CFAP144: variants seen among roughly 807,000 people sequenced by gnomAD.
The protein encoded by CFAP144 is cilia and flagella associated protein 144.
chr1:43,150,951 C>T, the CFAP144 span: 9 of 694,066 alleles, frequency 1.3e-5, no homozygotes, highest in Middle Eastern at 3.2e-4. Flanking sequence ...AAATGGGACT[C>T]ATACTAACCA....
chr1:43,155,987 C>T, the CFAP144 span, among the ~76,000 whole-genome samples: 1 of 152,206 alleles, frequency 6.6e-6, no homozygotes, highest in Non-Finnish European at 1.5e-5. Context: ...ATACTGTGGC[C>T]TCCCAGTCAG....
chr1:43,156,365 C>A, the CFAP144 span: 1 of 1,359,914 alleles, frequency 7.4e-7, no homozygotes, highest in Non-Finnish European at 1.1e-6. Flanking sequence ...GTGTGCACAG[C>A]CCAGAGAAAT....
chr1:43,155,263 T>G, the CFAP144 span, among the ~76,000 whole-genome samples: 1 of 152,192 alleles, frequency 6.6e-6, no homozygotes, highest in Non-Finnish European at 1.5e-5. Flanking sequence ...AATGCACAAG[T>G]AAATTAATTC....
chr1:43,156,266 C>G, the CFAP144 span: 1 of 1,613,380 alleles, frequency 6.2e-7, no homozygotes, highest in Non-Finnish European at 8.5e-7. Flanking sequence ...TGACATCACT[C>G]TGTACAAGGC....
the CFAP144 span, chr1:43,152,652 C>A: frequency 1.7e-6 from 1 of 599,944 alleles, no homozygotes. Context: ...TTGAGCTCAC[C>A]ACATATTTGT....
the CFAP144 span, chr1:43,153,065 A>T: frequency 4.5e-6 from 5 of 1,112,264 alleles, no homozygotes; most frequent in South Asian, 8.2e-5. Context: ...ATAAGTTACT[A>T]AGCTCTCTTA....
At chr1:43,150,309 T>C in the CFAP144 span, among the ~76,000 whole-genome samples, 2 of 152,208 alleles carry the variant, frequency 1.3e-5, no homozygotes, top group Non-Finnish European at 2.9e-5. Flanking sequence ...TCTGTTACCA[T>C]GTGCCCTCCT....
the CFAP144 span, among the ~76,000 whole-genome samples, chr1:43,146,294 C>A: frequency 3.9e-5 from 6 of 152,094 alleles, no homozygotes; most frequent in African/African-American, 1.4e-4. Context: ...ATTGGATATA[C>A]TGAGTTAAAT....
chr1:43,146,347 A>C, the CFAP144 span, among the ~76,000 whole-genome samples: 1 of 152,246 alleles, frequency 6.6e-6, no homozygotes, highest in African/African-American at 2.4e-5. Context: ...TTGCTCTCTT[A>C]ATGCAGATAC....
chr1:43,154,768 T>A, the CFAP144 span, among the ~76,000 whole-genome samples: 3 of 152,080 alleles, frequency 2.0e-5, no homozygotes, highest in East Asian at 5.8e-4. Flanking sequence ...GGTTTTGCAG[T>A]GAGGGAGGGA....
the CFAP144 span, among the ~76,000 whole-genome samples, chr1:43,154,062 G>GTGTATATATATA: frequency 2.4e-5 from 2 of 83,666 alleles, no homozygotes; most frequent in African/African-American, 4.0e-5. Flanking sequence ...ATATGTGTGT[G>GTGTATATATATA]TATATATATA....
the CFAP144 span, among the ~76,000 whole-genome samples, chr1:43,144,528 TCTC>T: frequency 6.6e-6 from 1 of 152,126 alleles, no homozygotes; most frequent in Non-Finnish European, 1.5e-5. Flanking sequence ...TCCTTAATGC[TCTC>T]ATCATCCAGC....
At chr1:43,144,110 T>C in the CFAP144 span, among the ~76,000 whole-genome samples, 9 of 152,242 alleles carry the variant, frequency 5.9e-5, no homozygotes, top group Non-Finnish European at 8.8e-5. Flanking sequence ...TCAGCACCGC[T>C]CACCTAGGCT....
chr1:43,154,917 T>C, the CFAP144 span, among the ~76,000 whole-genome samples: 1 of 152,156 alleles, frequency 6.6e-6, no homozygotes, highest in African/African-American at 2.4e-5. Flanking sequence ...TTCCACCTAA[T>C]AGGGTGCTTG....
chr1:43,152,722 C>T, the CFAP144 span: 2 of 1,268,072 alleles, frequency 1.6e-6, no homozygotes, highest in Middle Eastern at 2.6e-4. Context: ...ACCTCCAAGG[C>T]ACAGATGCTC....
chr1:43,153,592 G>A, the CFAP144 span, among the ~76,000 whole-genome samples: 1 of 151,936 alleles, frequency 6.6e-6, no homozygotes, highest in Admixed American at 6.6e-5. Context: ...TTGGGTGACA[G>A]AGTGAGACTC....
chr1:43,156,028 GTAGGTTATTC>G, the CFAP144 span, among the ~76,000 whole-genome samples: 1 of 152,190 alleles, frequency 6.6e-6, no homozygotes, highest in Non-Finnish European at 1.5e-5. Flanking sequence ...ACGACTGTGC[GTAGGTTATTC>G]TCCTCTGACC....
At chr1:43,156,360 C>A in the CFAP144 span, 1 of 1,400,846 alleles carries the variant, frequency 7.1e-7, no homozygotes, top group Non-Finnish European at 1.0e-6. Flanking sequence ...CTTAAGTGTG[C>A]ACAGCCCAGA....
the CFAP144 span, among the ~76,000 whole-genome samples, chr1:43,154,060 GTGTA>G: frequency 7.2e-4 from 52 of 71,762 alleles, no homozygotes; most frequent in Middle Eastern, 9.6e-3. Context: ...ATATATGTGT[GTGTA>G]TATATATATA....
Sources: allele counts gnomAD v4.1 joint callset (sites outside exome capture counted in the v4.1 genomes callset), GRCh38; gene constraint gnomAD v4.1.1; transcripts MANE v1.5; gene names NCBI Gene and HGNC (gene_info 2026-07-23, HGNC 2026-07-21).